Variants in NME5 observed in about 807,000 individuals in gnomAD.
The protein encoded by NME5 is NME/NM23 family member 5.
A neutral mutation model predicts 21.6 loss-of-function variants in NME5; 18 were observed. The ratio of observed to expected loss-of-function variants is 0.83; its 90% CI spans 0.58 to 1.24. The LOEUF (loss-of-function observed/expected upper bound fraction) is 1.24, where lower values mean the gene tolerates loss of function less well. Among genes scored for constraint, NME5 ranks in the 50% most tolerant of loss-of-function variants. The pLI is 0.00. For missense variants in NME5, 223 were observed against 255.4 expected (o/e 0.87, Z 0.86); for synonymous variants, 70 against 80.6 (o/e 0.87, Z 0.71).
chr5:138,132,576 G>T, intron 2 of NME5, among the ~76,000 whole-genome samples: 1 of 152,168 alleles, frequency 6.6e-6, no homozygotes, highest in East Asian at 1.9e-4. Flanking sequence ...ATTTTCCTGA[G>T]AGTAAGTGTG....
intron 4 of NME5, among the ~76,000 whole-genome samples, chr5:138,122,198 G>T (rs1056035925): frequency 6.6e-6 from 1 of 151,850 alleles, no homozygotes; most frequent in Non-Finnish European, 1.5e-5. Flanking sequence ...CAGCACTTTG[G>T]GAGGCCAAGG....
chr5:138,138,335 A>G (rs1751760945), intron 2 of NME5: 2 of 249,504 alleles, frequency 8.0e-6, no homozygotes, highest in African/African-American at 2.3e-5. Context: ...GTCAAGGGAA[A>G]GGGACTGTTC....
chr5:138,132,991 TTGTAA>T (rs1180881997), intron 2 of NME5, among the ~76,000 whole-genome samples: 4 of 152,124 alleles, frequency 2.6e-5, no homozygotes, highest in Non-Finnish European at 4.4e-5. Context: ...ATCTCATCTG[TTGTAA>T]TGTAAGCCCT....
chr5:138,129,421 C>T lies in NME5; in HGVS notation c.177G>A (p.Val59=), dbSNP rs373121480. The part of the protein sequence containing the change: ...LSPEQCSNFY[V]EKYGKMFFPN... ...GGAAAAACATTTTTCCATACTTTTCCACATAAAAGTTACTACATTGCTCAG... is the reference window on the plus strand; with the variant it reads ...GGAAAAACATTTTTCCATACTTTTCTACATAAAAGTTACTACATTGCTCAG... Residue 59 remains valine (V), a synonymous_variant, in exon 3 of 6, where the codon GTG becomes GTA. Transcript: ENST00000265191. The T allele has an allele frequency of 4.3e-6, 7 of 1,613,904 alleles. No individual in the cohort carries two copies. Among genetic ancestry groups the T allele is most frequent in the African/African-American group, 1.3e-5 (1 of 74,888 alleles).
At chr5:138,133,563 TCA>T (rs999260485) in intron 2 of NME5, among the ~76,000 whole-genome samples, 3 of 152,194 alleles carry the variant, frequency 2.0e-5, no homozygotes, top group Admixed American at 6.5e-5. Flanking sequence ...TTGAATATTT[TCA>T]CAGAGAAGCA....
intron 2 of NME5, among the ~76,000 whole-genome samples, chr5:138,137,583 T>C (rs1751727607): frequency 6.6e-6 from 1 of 151,338 alleles, no homozygotes; most frequent in Admixed American, 6.6e-5. Context: ...CCCAAAGTGC[T>C]GGGATTACAG....
Position 138,115,655 on chromosome 5 carries a change from G to T in NME5, c.*26C>A. ...AGCCTTTTATAATAAGATAGTTCAT[G>T]ATTTGTTCTTTCGAGGATTTTTTTT... On this transcript the variant is annotated 3_prime_UTR_variant, in exon 6 of 6. Transcript: ENST00000265191. 2.1e-6 allele frequency: 3 copies of T among 1,432,298 alleles called. No individual in the cohort carries two copies. Among genetic ancestry groups the T allele is most frequent in the South Asian group, 2.6e-5 (2 of 76,114 alleles). 88.7% of individuals were successfully genotyped at this position (1,432,298 alleles called of 1,614,324 possible). A position where few individuals can be genotyped will look rare whatever the true frequency, so the allele number is the denominator to read the frequency against.
At chr5:138,123,731 T>C (rs1751336253) in intron 4 of NME5, among the ~76,000 whole-genome samples, 1 of 152,200 alleles carries the variant, frequency 6.6e-6, no homozygotes, top group Non-Finnish European at 1.5e-5. Flanking sequence ...TTCTTTCAGA[T>C]ATATATATCC....
intron 5 of NME5, among the ~76,000 whole-genome samples, chr5:138,116,940 ACT>A (rs1222016847): frequency 1.2e-4 from 19 of 152,140 alleles, no homozygotes; most frequent in Non-Finnish European, 2.2e-4. Context: ...GAGGCCAGTG[ACT>A]CACACCTGTG....
intron 2 of NME5, among the ~76,000 whole-genome samples, chr5:138,133,821 G>A (rs537012509): frequency 1.8e-4 from 27 of 152,266 alleles, no homozygotes; most frequent in Non-Finnish European, 3.5e-4. Flanking sequence ...AGTGGTTATC[G>A]GGGATGGGGA....
At position 138,120,099 on chromosome 5, in the gene NME5, C is replaced by CT. The variant is rs924867070; in HGVS notation, c.437-1164dup. On this transcript the variant is annotated intron_variant, in intron 4 of 5. Coordinates refer to ENST00000265191, the MANE Select transcript of NME5 (RefSeq NM_003551.3). ...TGCAAGTGTGTGCCACCACACCCAGCTTTTTTTTTCTTTAAGTGTTTAGAG... is the reference window on the plus strand; with the variant it reads ...TGCAAGTGTGTGCCACCACACCCAGCTTTTTTTTTTCTTTAAGTGTTTAGAG... 1.9e-4 allele frequency among the ~76,000 whole-genome samples: 29 copies of CT among 150,762 alleles called. No individual in the cohort carries two copies. The South Asian group carries it at 4.4e-3, about 23-fold the overall frequency.
At chr5:138,128,605 C>T in intron 3 of NME5, 26 bp from the exon 4 acceptor site, 2 of 1,521,744 alleles carry the variant, frequency 1.3e-6, no homozygotes, top group Middle Eastern at 3.4e-4. Flanking sequence ...AGATGACGTC[C>T]ATCCAATCTA....
intron 4 of NME5, among the ~76,000 whole-genome samples, chr5:138,126,970 G>A (rs184268): frequency 0.29 from 43,830 of 151,794 alleles, 7,406 homozygotes; most frequent in South Asian, 0.43. Context: ...AATAATAAAA[G>A]CTAACGAGCA....
intron 2 of NME5, among the ~76,000 whole-genome samples, chr5:138,135,617 G>A (rs138803757): frequency 4.1e-4 from 63 of 152,254 alleles, no homozygotes; most frequent in African/African-American, 1.4e-3. Context: ...TTACAGGCAT[G>A]AGCCACTGCA....
chr5:138,126,193 A>C (rs1751420122), intron 4 of NME5, among the ~76,000 whole-genome samples: 1 of 152,208 alleles, frequency 6.6e-6, no homozygotes, highest in South Asian at 2.1e-4. Context: ...TTTAATGAGT[A>C]AAATCAAAGG....
intron 5 of NME5, 43 bp from the exon 6 acceptor site, chr5:138,115,807 A>G: frequency 7.3e-7 from 1 of 1,375,618 alleles, no homozygotes; most frequent in Non-Finnish European, 1.0e-6. Flanking sequence ...AAACAGTTAC[A>G]TATTTCCTTT....
intron 4 of NME5, among the ~76,000 whole-genome samples, chr5:138,126,533 A>G (rs780690370): frequency 6.7e-4 from 100 of 149,114 alleles, no homozygotes; most frequent in African/African-American, 1.7e-3. Context: ...AAAAAAAAAA[A>G]AAAGAAAGAA....
intron 3 of NME5, 99 bp from the exon 4 acceptor site, chr5:138,128,678 T>G (rs1428205317): frequency 1.4e-6 from 1 of 714,652 alleles, no homozygotes; most frequent in Non-Finnish European, 2.3e-6. Flanking sequence ...GCATTGCCAC[T>G]TCTTACATAT....
At chr5:138,119,498 C>T (rs1751236387) in intron 4 of NME5, among the ~76,000 whole-genome samples, 1 of 151,948 alleles carries the variant, frequency 6.6e-6, no homozygotes, top group African/African-American at 2.4e-5. Flanking sequence ...ATGCTCGGCC[C>T]TAATTTCTGT....
Sources: allele counts gnomAD v4.1 joint callset (sites outside exome capture counted in the v4.1 genomes callset), GRCh38; gene constraint gnomAD v4.1.1; transcripts MANE v1.5; gene names NCBI Gene and HGNC (gene_info 2026-07-23, HGNC 2026-07-21).